The following PRDM5 variants were observed in gnomAD, a reference collection of about 807,000 sequenced individuals.
PRDM5 encodes the protein PR domain zinc finger protein 5.
PRDM5 carries 56 observed loss-of-function variants against 81.2 expected under a neutral mutation model. The ratio of observed to expected loss-of-function variants is 0.69; its 90% CI spans 0.56 to 0.86. PRDM5 has a LOEUF of 0.86. PRDM5 is among the 40% of genes least tolerant of loss of function. The pLI is 0.00. For missense variants in PRDM5, 697 were observed against 770.1 expected (o/e 0.91, Z 1.12); for synonymous variants, 267 against 256.4 (o/e 1.04, Z -0.39).
At chr4:120,822,868 T>G (rs1755468902) in intron 3 of PRDM5, among the ~76,000 whole-genome samples, 1 of 152,206 alleles carries the variant, frequency 6.6e-6, no homozygotes, top group Non-Finnish European at 1.5e-5. Context: ...CCTATAACAT[T>G]TTGAACACTC....
intron 14 of PRDM5, among the ~76,000 whole-genome samples, chr4:120,747,848 T>A (rs1341090956): frequency 2.6e-5 from 4 of 152,258 alleles, no homozygotes; most frequent in Admixed American, 6.5e-5. Flanking sequence ...GAAACCTGTA[T>A]AAGTTAATTG....
At chr4:120,846,092 G>A (rs192710731) in intron 3 of PRDM5, among the ~76,000 whole-genome samples, 16 of 152,300 alleles carry the variant, frequency 1.1e-4, no homozygotes, top group African/African-American at 3.6e-4. Flanking sequence ...CCTTACAGAT[G>A]AACAAAGAAA....
At chr4:120,770,635 G>T (rs1449090613) in intron 13 of PRDM5, among the ~76,000 whole-genome samples, 1 of 151,826 alleles carries the variant, frequency 6.6e-6, no homozygotes, top group Non-Finnish European at 1.5e-5. Context: ...TGGACAAAAA[G>T]GTTGTGTCCA....
chr4:120,814,232 G>A (rs1420326084), intron 7 of PRDM5, among the ~76,000 whole-genome samples: 1 of 152,110 alleles, frequency 6.6e-6, no homozygotes, highest in Non-Finnish European at 1.5e-5. Flanking sequence ...TTAAGTAACT[G>A]TGAGGAGCCT....
chr4:120,777,009 T>C (rs1231839442), intron 13 of PRDM5, among the ~76,000 whole-genome samples, 179 bp downstream of exon 13: 1 of 152,182 alleles, frequency 6.6e-6, no homozygotes, highest in African/African-American at 2.4e-5. Context: ...TAAGAAAATA[T>C]ACTCATTCCA....
At chr4:120,896,689 ATAAT>A (rs1764660294) in intron 2 of PRDM5, 1 of 121,916 alleles carries the variant, frequency 8.2e-6, no homozygotes, top group Admixed American at 7.8e-5. Flanking sequence ...ACACACACAC[ATAAT>A]TTTTTTTTTA....
intron 1 of PRDM5, among the ~76,000 whole-genome samples, chr4:120,914,493 T>A (rs763037708): frequency 7.9e-5 from 12 of 152,164 alleles, no homozygotes; most frequent in Non-Finnish European, 1.5e-4. Flanking sequence ...CACACTGCTA[T>A]AAAGAACTTC....
chr4:120,814,599 C>T (rs1754250338), intron 7 of PRDM5, among the ~76,000 whole-genome samples: 1 of 152,140 alleles, frequency 6.6e-6, no homozygotes, highest in African/African-American at 2.4e-5. Context: ...ATTCATATCA[C>T]CTTAACAAAA....
intron 10 of PRDM5, among the ~76,000 whole-genome samples, chr4:120,793,997 A>G (rs1258637663): frequency 6.6e-6 from 1 of 152,216 alleles, no homozygotes; most frequent in Non-Finnish European, 1.5e-5. Flanking sequence ...CTCATCATCC[A>G]CTTAAGAGAA....
At chr4:120,870,359 A>G (rs962586580) in intron 2 of PRDM5, among the ~76,000 whole-genome samples, 5 of 152,322 alleles carry the variant, frequency 3.3e-5, no homozygotes, top group Non-Finnish European at 2.9e-5. Context: ...ACACAAACAA[A>G]AGACTCTGCC....
chr4:120,722,079 C>T (rs559161172), intron 14 of PRDM5, among the ~76,000 whole-genome samples: 5 of 152,280 alleles, frequency 3.3e-5, no homozygotes, highest in East Asian at 3.9e-4. Flanking sequence ...GAGCCGGCTA[C>T]GCAGATGTGT....
intron 7 of PRDM5, among the ~76,000 whole-genome samples, chr4:120,815,278 T>C (rs1364801117): frequency 6.6e-6 from 1 of 152,190 alleles, no homozygotes; most frequent in Non-Finnish European, 1.5e-5. Flanking sequence ...CCCAGTATAC[T>C]GAATTCAGAA....
chr4:120,921,866 A>T (rs1373673523), intron 1 of PRDM5, among the ~76,000 whole-genome samples: 3 of 146,424 alleles, frequency 2.0e-5, no homozygotes, highest in East Asian at 2.0e-4. Context: ...GAGACAAATT[A>T]AAAAAAAAAA....
rs376676232 is a variant in PRDM5, at chr4:120,710,665, T to C, written c.1624-252A>G. 8.1e-4 allele frequency among the ~76,000 whole-genome samples: 124 copies of C among 152,308 alleles called. 1 individual carries two copies. Among genetic ancestry groups the C allele is most frequent in the African/African-American group, 2.9e-3 (120 of 41,568 alleles). On this transcript the variant is annotated intron_variant, in intron 14 of 15. Transcript: ENST00000264808. The stretch of plus-strand genomic sequence containing the variant: ...GGTTACCCCCATGCTGTTCTCATGA[T>C]AGTGAGTGAATTCTCACAAGATCTG...
At chr4:120,855,940 A>T (rs1021197499) in intron 2 of PRDM5, among the ~76,000 whole-genome samples, 3 of 152,204 alleles carry the variant, frequency 2.0e-5, no homozygotes, top group Admixed American at 6.5e-5. Context: ...AGTAAGCACA[A>T]TATATATCAG....
At chr4:120,912,044 G>A (rs1388187307) in intron 1 of PRDM5, among the ~76,000 whole-genome samples, 1 of 151,986 alleles carries the variant, frequency 6.6e-6, no homozygotes, top group Non-Finnish European at 1.5e-5. Flanking sequence ...TAAATAAAGG[G>A]GGAATATTTG....
At chr4:120,875,511 G>A (rs1200343744) in intron 2 of PRDM5, among the ~76,000 whole-genome samples, 1 of 152,228 alleles carries the variant, frequency 6.6e-6, no homozygotes, top group Admixed American at 6.5e-5. Flanking sequence ...TGGAAGCAGA[G>A]CTGTTAGGAA....
chr4:120,721,538 C>T (rs1738604734), intron 14 of PRDM5, among the ~76,000 whole-genome samples: 1 of 152,214 alleles, frequency 6.6e-6, no homozygotes, highest in South Asian at 2.1e-4. Flanking sequence ...TACTATTATA[C>T]TCTACCACCC....
At chr4:120,895,234 T>C (rs770601971) in intron 2 of PRDM5, among the ~76,000 whole-genome samples, 6 of 152,212 alleles carry the variant, frequency 3.9e-5, no homozygotes, top group Non-Finnish European at 7.3e-5. Context: ...GATGTGTTAG[T>C]TCCACATCAC....
Sources: gnomAD v4.1 joint callset for allele counts (sites outside exome capture counted in the v4.1 genomes callset) on GRCh38, gnomAD v4.1.1 for gene constraint, MANE v1.5 for transcripts, NCBI Gene and HGNC (gene_info 2026-07-23, HGNC 2026-07-21) for gene names.